The following DCLRE1C variants were observed in gnomAD, a reference collection of about 807,000 sequenced individuals.
DCLRE1C encodes the protein protein artemis.
In DCLRE1C, 47 loss-of-function variants were observed where a neutral mutation model predicts 61.4. The ratio of observed to expected loss-of-function variants is 0.77; its 90% CI spans 0.61 to 0.98. DCLRE1C has a LOEUF of 0.98. DCLRE1C is among the 50% of genes least tolerant of loss of function. The pLI, the probability that DCLRE1C is intolerant of heterozygous loss-of-function variation, is 0.00. For missense variants in DCLRE1C, 858 were observed against 816.0 expected (o/e 1.05, Z -0.63); for synonymous variants, 337 against 287.6 (o/e 1.17, Z -1.74).
rs544362474 is a variant in DCLRE1C at position 14,935,466 on chromosome 10, C to T, written c.461G>A (p.Gly154Asp). 3 of 1,613,384 alleles carry T rather than the reference C, an allele frequency of 1.9e-6. No individual in the cohort carries two copies. The highest frequency in any genetic ancestry group is 1.7e-5 in the Admixed American group (1 of 59,984). Residue 154 changes from glycine to aspartate, a missense_variant, in exon 6 of 14, where the codon GGC (glycine) becomes GAC (aspartate). By Grantham distance (94) the Gly-to-Asp change is moderately conservative. This residue lies in a region of DCLRE1C where 843 missense variants were observed against 783.5 expected (regional missense o/e 1.08). Transcript: ENST00000378278. ...AAACCTATACGAGGCCCAGTACCTG[C>T]CCCCGGAGTGCAGAAGCTCCATTCT... ...AARMELLHSG[G>D]RVKDIQSVYL... is the part of the protein sequence containing the mutation.
intron 12 of DCLRE1C, chr10:14,920,307 T>G (rs1183231232): frequency 4.7e-5 from 41 of 863,872 alleles, no homozygotes; most frequent in Non-Finnish European, 5.9e-5. Flanking sequence ...TTCTAGGTCC[T>G]TAGGCTGAAA....
intron 11 of DCLRE1C, among the ~76,000 whole-genome samples, chr10:14,924,898 C>G (rs1009840553): frequency 2.0e-5 from 3 of 151,432 alleles, no homozygotes; most frequent in Admixed American, 1.3e-4. Context: ...TCATCCATTA[C>G]TAAGTTGATA....
At chr10:14,929,537 G>A (rs1022422375) in intron 9 of DCLRE1C, among the ~76,000 whole-genome samples, 9 of 151,682 alleles carry the variant, frequency 5.9e-5, no homozygotes, top group Non-Finnish European at 1.5e-5. Context: ...AGCTATTCAG[G>A]AGGCCGAGGC....
In DCLRE1C at chr10:14,908,682, T is replaced by TAA. The variant is rs1834728173; in HGVS notation, c.1803_1804dup (p.Tyr602PhefsTer5). 1.2e-6 allele frequency: 2 copies of TAA among 1,614,172 alleles called. No individual in the cohort carries two copies. The highest frequency in any genetic ancestry group is 1.7e-6 in the Non-Finnish European group (2 of 1,180,028). On this transcript the variant is annotated frameshift_variant, in exon 14 of 14. Coordinates refer to ENST00000378278, the MANE Select transcript of DCLRE1C (RefSeq NM_001033855.3). LOFTEE classifies it low-confidence loss of function (END_TRUNC). ...TTTATCTCTGCTTTTCAAATCAGAG[T>TAA]AAGTATCCTTTGGGCAAATTACATT...
intron 5 of DCLRE1C, among the ~76,000 whole-genome samples, chr10:14,935,897 G>A (rs557968488): frequency 6.6e-6 from 1 of 152,312 alleles, no homozygotes; most frequent in South Asian, 2.1e-4. Flanking sequence ...AACAGCTGCT[G>A]AAGACTTCCA....
At chr10:14,943,885 CT>C (rs1437876824) in intron 3 of DCLRE1C, among the ~76,000 whole-genome samples, 1 of 152,152 alleles carries the variant, frequency 6.6e-6, no homozygotes, top group Non-Finnish European at 1.5e-5. Flanking sequence ...GAGAATTTGT[CT>C]TTTGACCAAA....
At chr10:14,915,374 C>G (rs1004486913) in intron 13 of DCLRE1C, among the ~76,000 whole-genome samples, 3 of 151,726 alleles carry the variant, frequency 2.0e-5, no homozygotes, top group Admixed American at 6.6e-5. Flanking sequence ...TTGAGAAGAT[C>G]AGTAAAACTG....
At chr10:14,926,250 T>C (rs910509888) in intron 11 of DCLRE1C, among the ~76,000 whole-genome samples, 1 of 151,984 alleles carries the variant, frequency 6.6e-6, no homozygotes, top group African/African-American at 2.4e-5. Context: ...GCACGTCAGG[T>C]GATTCAAAAT....
At chr10:14,932,197 C>T (rs903332771) in intron 9 of DCLRE1C, among the ~76,000 whole-genome samples, 2 of 151,912 alleles carry the variant, frequency 1.3e-5, no homozygotes, top group East Asian at 3.9e-4. Flanking sequence ...GCACTCCAGT[C>T]TGGGCAACAG....
chr10:14,929,424 T>TA (rs368867735), intron 9 of DCLRE1C, among the ~76,000 whole-genome samples: 22,799 of 144,188 alleles, frequency 0.16, 1,691 homozygotes, highest in Middle Eastern at 0.19. Flanking sequence ...TTTTTTTTAA[T>TA]TAAAAAAAAA....
At chr10:14,924,629 A>C (rs1482408659) in intron 11 of DCLRE1C, among the ~76,000 whole-genome samples, 1 of 152,120 alleles carries the variant, frequency 6.6e-6, no homozygotes. Flanking sequence ...CGGGTGGATC[A>C]CAAGGTCAGG....
chr10:14,902,724 G>T (rs1415855307), downstream of DCLRE1C: 8 of 364,676 alleles, frequency 2.2e-5, no homozygotes, highest in Non-Finnish European at 3.0e-5. Context: ...TATTTATAGT[G>T]CTTAGAGACC....
chr10:14,914,192 G>A (rs1407715019), intron 13 of DCLRE1C, among the ~76,000 whole-genome samples: 1 of 152,126 alleles, frequency 6.6e-6, no homozygotes, highest in African/African-American at 2.4e-5. Flanking sequence ...AAAATACAGA[G>A]ATGGAAAAAG....
chr10:14,935,341 C>G, intron 6 of DCLRE1C, 122 bp downstream of exon 6: 1 of 1,088,768 alleles, frequency 9.2e-7, no homozygotes, highest in Non-Finnish European at 1.4e-6. Flanking sequence ...TGGCACGTAC[C>G]TGTTATCCCA....
intron 9 of DCLRE1C, among the ~76,000 whole-genome samples, chr10:14,930,164 T>TGCA (rs1417366707): frequency 6.6e-6 from 1 of 151,806 alleles, no homozygotes; most frequent in Non-Finnish European, 1.5e-5. Context: ...CAGGCTGGAG[T>TGCA]GCAGTGGTAC....
At chr10:14,932,703 T>C in intron 9 of DCLRE1C, 151 bp downstream of exon 9, 3 of 844,560 alleles carry the variant, frequency 3.6e-6, no homozygotes, top group Admixed American at 2.1e-5. Flanking sequence ...AATATGGCAA[T>C]GTACAGTTCC....
chr10:14,914,612 C>T (rs145353737), intron 13 of DCLRE1C, among the ~76,000 whole-genome samples: 53 of 152,250 alleles, frequency 3.5e-4, no homozygotes, highest in Non-Finnish European at 6.5e-4. Flanking sequence ...GTAAATTGGT[C>T]CACAATTGAT....
rs546414627 is a variant in DCLRE1C at position 14,913,059 on chromosome 10, G to C, written c.1157-3729C>G. The stretch of plus-strand genomic sequence containing the variant: ...TTTAGTAGAGACGGGGTTTCACCGT[G>C]TTAGCCAGGATGGTCTCGATCTCTC... On this transcript the variant is annotated intron_variant, in intron 13 of 13. Coordinates refer to ENST00000378278, the MANE Select transcript of DCLRE1C (RefSeq NM_001033855.3). Among the ~76,000 whole-genome samples the C allele has an allele frequency of 7.0e-4, 106 of 151,888 alleles. 1 individual carries two copies. In the South Asian group the frequency reaches 0.016, roughly 23 times the overall value.
At position 14,920,520 on chromosome 10, in the gene DCLRE1C, C is replaced by T. The variant is rs571446006; in HGVS notation, c.1062-688G>A. On this transcript the variant is annotated intron_variant, in intron 12 of 13. Transcript: ENST00000378278. Reference sequence around the variant, plus strand: ...TTTACAGCCACCCCCATTTTACGTCCTCACCCCTGTTCCCACAGCTGTTCT... The same window carrying T: ...TTTACAGCCACCCCCATTTTACGTCTTCACCCCTGTTCCCACAGCTGTTCT... 994 of 635,566 alleles carry T rather than the reference C, an allele frequency of 1.6e-3. 6 individuals carry two copies. In the African/African-American group the frequency reaches 0.018, roughly 12 times the overall value. The allele number at this position is 635,566 out of a possible 1,614,324, so 39.4% of individuals were successfully genotyped here. A position where few individuals can be genotyped will look rare whatever the true frequency, so the allele number is the denominator to read the frequency against.
Sources: gnomAD v4.1 joint callset for allele counts (sites outside exome capture counted in the v4.1 genomes callset) on GRCh38, gnomAD v4.1.1 for gene constraint, gnomAD v4.1.1 regional missense constraint, MANE v1.5 for transcripts, NCBI Gene and HGNC (gene_info 2026-07-23, HGNC 2026-07-21) for gene names.